SSH2: variants seen among roughly 807,000 people sequenced by gnomAD.
The protein encoded by SSH2 is protein phosphatase Slingshot homolog 2.
A neutral mutation model predicts 135.2 loss-of-function variants in SSH2; 37 were observed. That is an observed-to-expected ratio of 0.27 (90% CI 0.21 to 0.36). SSH2 has a LOEUF of 0.36. Among genes scored for constraint, SSH2 ranks in the 10% least tolerant of loss-of-function variants. The pLI is 1.00. For synonymous variants in SSH2, 628 were observed against 646.2 expected (o/e 0.97, Z 0.43); for missense variants, 1,408 against 1,765.3 (o/e 0.80, Z 3.63).
At chr17:29,769,660 G>C (rs1344506759) in intron 3 of SSH2, among the ~76,000 whole-genome samples, 1 of 152,096 alleles carries the variant, frequency 6.6e-6, no homozygotes, top group African/African-American at 2.4e-5. Flanking sequence ...AAGCCTACTA[G>C]CTGGGCCAGT....
intron 1 of SSH2, among the ~76,000 whole-genome samples, chr17:29,865,242 A>T (rs866473854): frequency 6.6e-6 from 1 of 152,252 alleles, no homozygotes; most frequent in Non-Finnish European, 1.5e-5. Context: ...TAATTTCTGC[A>T]ACTTAAGATT....
rs763180102 is a variant in SSH2, at chr17:29,630,742, ATAT to A, written c.*96_*98del. The A allele has an allele frequency of 8.9e-6, 12 of 1,341,454 alleles. No homozygotes were observed. Among genetic ancestry groups the A allele is most frequent in the Non-Finnish European group, 1.2e-5 (12 of 985,646 alleles). 83.1% of individuals were successfully genotyped at this position (1,341,454 alleles called of 1,614,324 possible). A position where few individuals can be genotyped will look rare whatever the true frequency, so the allele number is the denominator to read the frequency against. ...CACCAGAAACAGTAAAATGACCAAAATATTATAAAATTAACCAATAAAGTGCAT... is the reference window on the plus strand; with the variant it reads ...CACCAGAAACAGTAAAATGACCAAAATATAAAATTAACCAATAAAGTGCAT... On this transcript the variant is annotated 3_prime_UTR_variant, in exon 16 of 16. Coordinates refer to ENST00000540801, the MANE Select transcript of SSH2 (RefSeq NM_001282129.2).
At chr17:29,880,960 C>A (rs539264814) in intron 1 of SSH2, among the ~76,000 whole-genome samples, 1 of 152,136 alleles carries the variant, frequency 6.6e-6, no homozygotes, top group Non-Finnish European at 1.5e-5. Flanking sequence ...GACCAAACAG[C>A]ATATCCCACA....
chr17:29,890,838 C>T (rs890694444), intron 1 of SSH2, among the ~76,000 whole-genome samples: 4 of 152,184 alleles, frequency 2.6e-5, no homozygotes, highest in Non-Finnish European at 5.9e-5. Context: ...TCACTGCAAC[C>T]TCTGCCTCCT....
rs368474590 is a variant in SSH2 at position 29,631,725 on chromosome 17, C to A, written c.3469G>T (p.Asp1157Tyr). ...HTTHLLSASLDYLHPQTMVHL... is the reference protein window; with the variant it reads ...HTTHLLSASLYYLHPQTMVHL... The stretch of plus-strand genomic sequence containing the variant: ...ACCATAGTCTGGGGATGCAGGTAAT[C>A]CAAACTGGCAGACAGTAAATGGGTT... The change falls in exon 16 of 16, where the codon GAT becomes TAT. Residue 1157 changes from aspartate to tyrosine, a missense_variant. By Grantham distance (160) the Asp-to-Tyr change is radical. Transcript: ENST00000540801. The A allele has an allele frequency of 5.0e-6, 8 of 1,614,068 alleles. No individual in the cohort carries two copies. In the East Asian group the frequency reaches 1.1e-4, roughly 22 times the overall value.
At chr17:29,677,512 TA>T (rs2037778092) in intron 7 of SSH2, among the ~76,000 whole-genome samples, 160 bp downstream of exon 7, 1 of 152,244 alleles carries the variant, frequency 6.6e-6, no homozygotes, top group South Asian at 2.1e-4. Flanking sequence ...GTTGTATTTT[TA>T]CTCCACTTTA....
In SSH2 at chr17:29,629,851, A is replaced by G. The variant is rs2035601094; in HGVS notation, c.*990T>C. 6.5e-6 allele frequency: 1 copy of G among 152,710 alleles called. No homozygotes were observed. The allele number at this position is 152,710 out of a possible 1,614,324, so 9.5% of individuals were successfully genotyped here. A position where few individuals can be genotyped will look rare whatever the true frequency, so the allele number is the denominator to read the frequency against. On this transcript the variant is annotated 3_prime_UTR_variant, in exon 16 of 16. Coordinates refer to ENST00000540801, the MANE Select transcript of SSH2 (RefSeq NM_001282129.2). ...GGACAACAGCATGGGGAAGGAAAAT[A>G]AACTGGAAGAAAATATGGCCATTAA...
At chr17:29,754,724 T>C (rs1214288551) in intron 3 of SSH2, among the ~76,000 whole-genome samples, 1 of 152,158 alleles carries the variant, frequency 6.6e-6, no homozygotes, top group Non-Finnish European at 1.5e-5. Context: ...TGAAGTGAAG[T>C]GGCACCATCT....
chr17:29,652,569 A>C (rs187929670), intron 12 of SSH2, among the ~76,000 whole-genome samples: 43 of 152,326 alleles, frequency 2.8e-4, no homozygotes, highest in African/African-American at 1.0e-3. Context: ...CTTTTAGAAA[A>C]AAAGGCAACA....
chr17:29,635,822 C>T (rs2035893679), intron 15 of SSH2, 146 bp downstream of exon 15: 2 of 719,328 alleles, frequency 2.8e-6, no homozygotes, highest in Non-Finnish European at 4.6e-6. Context: ...TCCCAAAAGG[C>T]AAATTATTTA....
chr17:29,678,865 C>A (rs1364441247), intron 6 of SSH2, among the ~76,000 whole-genome samples: 1 of 151,908 alleles, frequency 6.6e-6, no homozygotes, highest in Non-Finnish European at 1.5e-5. Flanking sequence ...TATGCATGTG[C>A]CACCATGCCC....
chr17:29,805,972 A>C (rs1206960425), intron 2 of SSH2, among the ~76,000 whole-genome samples: 3 of 152,246 alleles, frequency 2.0e-5, no homozygotes, highest in Non-Finnish European at 2.9e-5. Flanking sequence ...ACAAATTAAT[A>C]AATGTGGTTC....
chr17:29,745,957 T>C (rs1567941699), intron 3 of SSH2, among the ~76,000 whole-genome samples: 1 of 152,180 alleles, frequency 6.6e-6, no homozygotes, highest in Non-Finnish European at 1.5e-5. Context: ...AAATGGCAAG[T>C]AGTTATTCTG....
At chr17:29,690,917 T>TACAC (rs150436102) in intron 5 of SSH2, among the ~76,000 whole-genome samples, 3 of 149,946 alleles carry the variant, frequency 2.0e-5, no homozygotes, top group South Asian at 4.2e-4. Flanking sequence ...TCTCACTCTT[T>TACAC]ACACACACAC....
intron 3 of SSH2, among the ~76,000 whole-genome samples, chr17:29,741,119 C>T (rs934201510): frequency 2.6e-5 from 4 of 152,160 alleles, no homozygotes; most frequent in African/African-American, 7.2e-5. Flanking sequence ...GTCTTGATAA[C>T]AAAGACAAGT....
intron 2 of SSH2, among the ~76,000 whole-genome samples, chr17:29,796,696 T>A (rs2042162135): frequency 6.6e-6 from 1 of 152,190 alleles, no homozygotes; most frequent in Non-Finnish European, 1.5e-5. Flanking sequence ...TGTCCATCTA[T>A]CCATCTTATT....
At chr17:29,858,888 A>G (rs754195548) in intron 1 of SSH2, among the ~76,000 whole-genome samples, 7 of 152,094 alleles carry the variant, frequency 4.6e-5, no homozygotes, top group Non-Finnish European at 8.8e-5. Context: ...AAATAAATAA[A>G]TAAAATAGAA....
intron 1 of SSH2, among the ~76,000 whole-genome samples, chr17:29,910,324 T>TA (rs1368278059): frequency 4.8e-5 from 2 of 41,514 alleles, no homozygotes; most frequent in African/African-American, 7.4e-5. Context: ...CATTGTAACC[T>TA]ATAAAAAAAA....
In SSH2 at chr17:29,667,316, T is replaced by C; in HGVS notation, c.810-93A>G. On this transcript the variant is annotated intron_variant, in intron 9 of 15. Transcript: ENST00000540801. ...AGAAAGAAGAATGATCCTGTCTTCT[T>C]CAATAAGGCAAATCCTTTTCCAAAA... The C allele has an allele frequency of 8.1e-6, 8 of 982,180 alleles. No homozygotes were observed. The South Asian group carries it at 1.3e-4, about 16-fold the overall frequency. 60.8% of individuals were successfully genotyped at this position (982,180 alleles called of 1,614,324 possible).
Sources: allele counts gnomAD v4.1 joint callset (sites outside exome capture counted in the v4.1 genomes callset), GRCh38; gene constraint gnomAD v4.1.1; transcripts MANE v1.5; gene names NCBI Gene and HGNC (gene_info 2026-07-23, HGNC 2026-07-21).